The following OLFM1 variants were observed in gnomAD, a reference collection of about 807,000 sequenced individuals.
The protein encoded by OLFM1 is olfactomedin 1, also known as noelin.
A neutral mutation model predicts 49.7 loss-of-function variants in OLFM1; 9 were observed. The observed-to-expected ratio is 0.18, with a 90% CI of 0.11 to 0.32. OLFM1 has a LOEUF of 0.32. OLFM1 is among the 10% of genes least tolerant of loss of function. OLFM1 has a pLI of 1.00. For missense variants in OLFM1, 369 were observed against 661.8 expected, an observed-to-expected ratio of 0.56 and a Z score of 4.85; for synonymous variants, 240 against 271.8, an observed-to-expected ratio of 0.88 and a Z score of 1.15.
Position 135,098,416 on chromosome 9 carries a change from A to G in OLFM1, c.587A>G (p.Gln196Arg). Residue 196 changes from glutamine (Q) to arginine (R), a missense_variant, in exon 4 of 6, where the codon CAA (glutamine) becomes CGA (arginine). This residue lies in a region of OLFM1 where 294 missense variants were observed against 567.5 expected (regional missense o/e 0.52). Coordinates refer to ENST00000371793, the MANE Select transcript of OLFM1 (RefSeq NM_001282611.2). This position sits in a 1 kb window ranked among gnomAD's most constrained non-coding sequence, Gnocchi z 5.6. ...QNLTSVLNEL[Q>R]EEIGAYDYDE... Reference sequence around the variant, plus strand: ...CTGACGTCAGTGCTTAACGAGCTGCAAGAGGAAATTGGCGCCTATGACTAC... The same window carrying G: ...CTGACGTCAGTGCTTAACGAGCTGCGAGAGGAAATTGGCGCCTATGACTAC... 6.2e-7 allele frequency: 1 copy of G among 1,613,948 alleles called. No homozygotes were observed. Among genetic ancestry groups the G allele is most frequent in the Non-Finnish European group, 8.5e-7 (1 of 1,180,050 alleles).
In OLFM1 at chr9:135,119,611, C is replaced by G. The variant is rs1831159236; in HGVS notation, c.891C>G (p.Pro297=). ...DNFTSHRLPH[P]WSGTGQVVYN... ...TCACCTCCCACCGTCTCCCCCACCC[C>G]TGGTCGGGCACGGGGCAGGTGGTCT... is the stretch of plus-strand genomic sequence containing the variant. The change falls in exon 6 of 6, where the codon CCC becomes CCG. Residue 297 remains proline, a synonymous_variant. Coordinates refer to ENST00000371793, the MANE Select transcript of OLFM1 (RefSeq NM_001282611.2). 8.1e-6 allele frequency: 13 copies of G among 1,614,182 alleles called. No individual in the cohort carries two copies. The highest frequency in any genetic ancestry group is 1.1e-5 in the Non-Finnish European group (13 of 1,180,022).
chr9:135,108,658 C>T (rs1365778104), intron 5 of OLFM1, among the ~76,000 whole-genome samples: 2 of 151,820 alleles, frequency 1.3e-5, no homozygotes, highest in South Asian at 2.1e-4. Flanking sequence ...AAAAAAACAG[C>T]GAGTGTGTCC....
At chr9:135,114,926 G>C (rs11787860) in intron 5 of OLFM1, among the ~76,000 whole-genome samples, 23,482 of 152,070 alleles carry the variant, frequency 0.15, 2,045 homozygotes, top group African/African-American at 0.23. Context: ...CTTCGCACGC[G>C]GCACAGTGTG....
In OLFM1 at chr9:135,088,149, C is replaced by A. The variant is rs1179721284; in HGVS notation, c.150+10C>A. 1.5e-6 allele frequency: 2 copies of A among 1,328,902 alleles called. No individual in the cohort carries two copies. The highest frequency in any genetic ancestry group is 9.7e-7 in the Non-Finnish European group (1 of 1,027,124). 82.3% of individuals were successfully genotyped at this position (1,328,902 alleles called of 1,614,324 possible). A position where few individuals can be genotyped will look rare whatever the true frequency, so the allele number is the denominator to read the frequency against. On this transcript the variant is annotated intron_variant, in intron 1 of 5. Coordinates refer to ENST00000371793, the MANE Select transcript of OLFM1 (RefSeq NM_001282611.2). This position sits in a 1 kb window ranked among gnomAD's most constrained non-coding sequence, Gnocchi z 4.8. ...GGACCGCAGCACCGGCGTAAGTGCG[C>A]CCGCCGGCCGCCTTGGCGCGGCTCC...
At chr9:135,090,133 A>G in intron 1 of OLFM1, 62 bp from the exon 2 acceptor site, 1 of 1,472,792 alleles carries the variant, frequency 6.8e-7, no homozygotes, top group Non-Finnish European at 9.2e-7. Flanking sequence ...TGGCTCTGAT[A>G]CACAACCTCA....
chr9:135,090,455 G>T, intron 2 of OLFM1, 111 bp downstream of exon 2: 1 of 1,134,806 alleles, frequency 8.8e-7, no homozygotes, highest in South Asian at 1.7e-5. Flanking sequence ...TAGCTTGCAG[G>T]CCCCATTTTG....
chr9:135,107,444 G>T (rs528349832), intron 5 of OLFM1, among the ~76,000 whole-genome samples: 3 of 152,210 alleles, frequency 2.0e-5, no homozygotes, highest in Admixed American at 6.5e-5. Flanking sequence ...TATCTGGGGG[G>T]CTGGGTTTTA....
chr9:135,106,508 C>G, intron 4 of OLFM1: 1 of 516,876 alleles, frequency 1.9e-6, no homozygotes. Flanking sequence ...CGTCTGCCCA[C>G]GGCTCTTCCC....
At chr9:135,092,125 G>T (rs1830725207) in intron 2 of OLFM1, among the ~76,000 whole-genome samples, 1 of 152,224 alleles carries the variant, frequency 6.6e-6, no homozygotes, top group South Asian at 2.1e-4. Flanking sequence ...GCAGCCTGGT[G>T]AGAGGACAGC....
chr9:135,090,351 C>T lies in OLFM1; in HGVS notation c.300+7C>T. On this transcript the variant is annotated splice_region_variant and intron_variant, in intron 2 of 5. Transcript: ENST00000371793. The stretch of plus-strand genomic sequence containing the variant: ...GAGGCAGCTACTGGAGAAGGTGAGT[C>T]TGCGCAGAGTGTGTGAGTTTGTATG... 6.2e-7 allele frequency: 1 copy of T among 1,610,602 alleles called. No individual in the cohort carries two copies. Among genetic ancestry groups the T allele is most frequent in the East Asian group, 2.2e-5 (1 of 44,756 alleles).
At chr9:135,094,995 A>C (rs1830767650) in intron 2 of OLFM1, 1 of 152,236 alleles carries the variant, frequency 6.6e-6, no homozygotes. Context: ...GCCTCCCCGC[A>C]GCCCCGAATG....
At chr9:135,093,892 T>C (rs377413050) in intron 2 of OLFM1, among the ~76,000 whole-genome samples, 1 of 152,148 alleles carries the variant, frequency 6.6e-6, no homozygotes, top group Non-Finnish European at 1.5e-5. Flanking sequence ...AGGAGAGTAA[T>C]TGTTTGGTTT....
Position 135,076,574 on chromosome 9 carries a change from G to A in OLFM1, c.96+772G>A, listed in dbSNP as rs796921345. 7.4e-6 allele frequency: 8 copies of A among 1,084,900 alleles called. No homozygotes were observed. The African/African-American group carries it at 9.5e-5, about 13-fold the overall frequency. 67.2% of individuals were successfully genotyped at this position (1,084,900 alleles called of 1,614,324 possible). A position where few individuals can be genotyped will look rare whatever the true frequency, so the allele number is the denominator to read the frequency against. On this transcript the variant is annotated intron_variant, in intron 1 of 5. Coordinates refer to the OLFM1 transcript ENST00000252854. ...AAGGGCTGTCTGTGAGCGCCGAACT[G>A]GGAGGGTTGCTTTGGCACTATGGTG...
rs1202208493 is a variant in OLFM1 at position 135,117,839 on chromosome 9, C to T, written c.784-1665C>T. 6.6e-6 allele frequency among the ~76,000 whole-genome samples: 1 copy of T among 152,236 alleles called. No homozygotes were observed. On this transcript the variant is annotated intron_variant, in intron 5 of 5. Transcript: ENST00000371793. This position sits in a 1 kb window ranked among gnomAD's most constrained non-coding sequence, Gnocchi z 5.5. Reference sequence around the variant, plus strand: ...TGCTAGATTCTTTCTTCAAACTGGGCCTGTGTGTCCCATCCCAAATTCCCA... The same window carrying T: ...TGCTAGATTCTTTCTTCAAACTGGGTCTGTGTGTCCCATCCCAAATTCCCA...
At chr9:135,092,092 C>T (rs1339189346) in intron 2 of OLFM1, among the ~76,000 whole-genome samples, 1 of 152,226 alleles carries the variant, frequency 6.6e-6, no homozygotes, top group African/African-American at 2.4e-5. Flanking sequence ...CTGTCACTGC[C>T]CACCTCGTTG....
At chr9:135,102,270 A>G (rs1029875818) in intron 4 of OLFM1, among the ~76,000 whole-genome samples, 3 of 152,164 alleles carry the variant, frequency 2.0e-5, no homozygotes, top group African/African-American at 7.2e-5. Context: ...GATGTGAGAA[A>G]GGGTCAGCCA....
upstream of OLFM1, among the ~76,000 whole-genome samples, chr9:135,084,406 CTCTG>C (rs1456353879): frequency 2.7e-5 from 4 of 150,206 alleles, no homozygotes; most frequent in Admixed American, 6.6e-5. This position sits in a 1 kb window ranked among gnomAD's most constrained non-coding sequence, Gnocchi z 4.6. Flanking sequence ...TATCTCTCCT[CTCTG>C]TCTCTCTTCT....
At chr9:135,105,127 C>T (rs1045583598) in intron 4 of OLFM1, among the ~76,000 whole-genome samples, 1 of 152,242 alleles carries the variant, frequency 6.6e-6, no homozygotes, top group African/African-American at 2.4e-5. Flanking sequence ...AGGAAGCCTC[C>T]AGCCATGAGG....
chr9:135,084,643 C>T (rs57950424), upstream of OLFM1, among the ~76,000 whole-genome samples: 1 of 152,042 alleles, frequency 6.6e-6, no homozygotes, highest in Non-Finnish European at 1.5e-5. The surrounding 1 kb of genome is among the most constrained non-coding windows in gnomAD (Gnocchi z 4.6). Flanking sequence ...TTCCTCCCCT[C>T]CCCTTGTTTC....
Sources: allele counts gnomAD v4.1 joint callset (sites outside exome capture counted in the v4.1 genomes callset), GRCh38; gene constraint gnomAD v4.1.1; regional missense constraint gnomAD v4.1.1; non-coding constraint Gnocchi (gnomAD v3.1); transcripts MANE v1.5; gene names NCBI Gene and HGNC (gene_info 2026-07-23, HGNC 2026-07-21).